The following SNTG1 variants were observed in gnomAD, a reference collection of about 807,000 sequenced individuals.
SNTG1 encodes the protein gamma-1-syntrophin.
In SNTG1, 39 loss-of-function variants were observed where a neutral mutation model predicts 74.7. The observed-to-expected ratio is 0.52, with a 90% confidence interval of 0.40 to 0.68. The LOEUF is 0.68. SNTG1 is among the 30% of genes least tolerant of loss of function. The probability of loss-of-function intolerance (pLI) is 0.00; values close to 1 mark genes in which losing one functional copy is unlikely to be tolerated. For synonymous variants in SNTG1, 254 were observed against 217.1 expected (o/e 1.17, Z -1.49); for missense variants, 685 against 609.5 (o/e 1.12, Z -1.30).
chr8:50,212,527 C>T (rs1375688434), intron 2 of SNTG1, among the ~76,000 whole-genome samples: 7 of 152,084 alleles, frequency 4.6e-5, no homozygotes, highest in African/African-American at 1.2e-4. Flanking sequence ...CAGATCCATG[C>T]TCTCCAAGAA....
intron 1 of SNTG1, among the ~76,000 whole-genome samples, chr8:50,092,171 GCTCCCC>G (rs2079763726): frequency 6.6e-6 from 1 of 152,150 alleles, no homozygotes; most frequent in African/African-American, 2.4e-5. Context: ...ATCTGGTTAA[GCTCCCC>G]GTTCCTGGAA....
At chr8:50,658,447 G>C in intron 14 of SNTG1, 145 bp from the exon 15 acceptor site, 1 of 524,598 alleles carries the variant, frequency 1.9e-6, no homozygotes. Flanking sequence ...ATTATGTAGG[G>C]TCCTTTATGA....
At chr8:50,218,308 A>T (rs539828865) in intron 2 of SNTG1, among the ~76,000 whole-genome samples, 2 of 151,748 alleles carry the variant, frequency 1.3e-5, no homozygotes, top group African/African-American at 4.9e-5. Context: ...TGCTTCCAAC[A>T]ACTCCTCAAT....
chr8:50,570,566 T>TATG (rs1280803564), intron 12 of SNTG1, among the ~76,000 whole-genome samples: 1 of 45,100 alleles, frequency 2.2e-5, no homozygotes, highest in Non-Finnish European at 4.1e-5. Context: ...CCTTATTTTT[T>TATG]ATTATTATTA....
At chr8:50,680,369 C>G (rs1585507171) in intron 15 of SNTG1, among the ~76,000 whole-genome samples, 1 of 152,152 alleles carries the variant, frequency 6.6e-6, no homozygotes, top group South Asian at 2.1e-4. Context: ...TCAGTACACT[C>G]TTTATGGGCT....
chr8:49,988,217 G>C (rs1000209761), intron 1 of SNTG1, among the ~76,000 whole-genome samples: 1 of 152,072 alleles, frequency 6.6e-6, no homozygotes, highest in Non-Finnish European at 1.5e-5. Flanking sequence ...GTGCAGAGTT[G>C]TTACAATATA....
intron 13 of SNTG1, among the ~76,000 whole-genome samples, chr8:50,605,111 C>A (rs973542028): frequency 1.3e-5 from 2 of 152,140 alleles, no homozygotes; most frequent in African/African-American, 4.8e-5. Context: ...AGCTGATATG[C>A]AAGATTTAAG....
At chr8:50,385,162 G>A (rs1207716281) in intron 2 of SNTG1, among the ~76,000 whole-genome samples, 3 of 152,150 alleles carry the variant, frequency 2.0e-5, no homozygotes, top group African/African-American at 4.8e-5. Context: ...TATGTTCCAA[G>A]TGGTAGAGCG....
At chr8:50,165,019 C>G (rs1172100246) in intron 1 of SNTG1, among the ~76,000 whole-genome samples, 1 of 152,056 alleles carries the variant, frequency 6.6e-6, no homozygotes, top group African/African-American at 2.4e-5. Context: ...TATGCTTCCC[C>G]CTCCCCAGCA....
chr8:50,573,072 C>T (rs1055819137), intron 12 of SNTG1, among the ~76,000 whole-genome samples: 3 of 151,988 alleles, frequency 2.0e-5, no homozygotes, highest in Non-Finnish European at 4.4e-5. Flanking sequence ...ACAATTTAAA[C>T]ATATAAGATC....
At chr8:50,576,249 T>C (rs1317637039) in intron 12 of SNTG1, among the ~76,000 whole-genome samples, 2 of 152,210 alleles carry the variant, frequency 1.3e-5, no homozygotes, top group African/African-American at 4.8e-5. Flanking sequence ...CTTTTTTCCA[T>C]TGAGTGGTTT....
chr8:50,732,960 A>G (rs2095516527), intron 17 of SNTG1, among the ~76,000 whole-genome samples: 1 of 151,958 alleles, frequency 6.6e-6, no homozygotes, highest in Non-Finnish European at 1.5e-5. Flanking sequence ...TATTTTAGAT[A>G]CAGGAGGCAA....
chr8:50,457,930 C>T (rs1164643091), intron 8 of SNTG1: 1 of 152,200 alleles, frequency 6.6e-6, no homozygotes, highest in Non-Finnish European at 1.5e-5. Flanking sequence ...CACTGGCAGC[C>T]GGTTTCACCA....
chr8:50,305,913 A>AG (rs1297764247), intron 2 of SNTG1, among the ~76,000 whole-genome samples: 1 of 151,672 alleles, frequency 6.6e-6, no homozygotes, highest in African/African-American at 2.4e-5. Flanking sequence ...TAAAAAAAAA[A>AG]AAACTGTTTC....
At chr8:50,105,393 A>G (rs188993992) in intron 1 of SNTG1, among the ~76,000 whole-genome samples, 1 of 151,978 alleles carries the variant, frequency 6.6e-6, no homozygotes, top group Admixed American at 6.6e-5. Flanking sequence ...TTGTGTTTCT[A>G]TTTTGTACCA....
At chr8:50,104,871 T>C (rs1383649133) in intron 1 of SNTG1, among the ~76,000 whole-genome samples, 1 of 152,090 alleles carries the variant, frequency 6.6e-6, no homozygotes, top group Non-Finnish European at 1.5e-5. Context: ...CTCTGTCCAC[T>C]TTTCAATGGG....
intron 2 of SNTG1, among the ~76,000 whole-genome samples, chr8:50,391,021 G>A (rs774668355): frequency 1.6e-4 from 24 of 152,146 alleles, no homozygotes; most frequent in Non-Finnish European, 3.4e-4. Context: ...TGCAAACAGG[G>A]ACAATTTGAC....
intron 17 of SNTG1, among the ~76,000 whole-genome samples, chr8:50,714,141 C>T: frequency 6.6e-6 from 1 of 151,148 alleles, no homozygotes; most frequent in South Asian, 2.1e-4. Context: ...GATCAAATGA[C>T]TGTAGATGTG....
upstream of SNTG1, among the ~76,000 whole-genome samples, chr8:49,910,144 T>A (rs1292307226): frequency 6.6e-6 from 1 of 152,168 alleles, no homozygotes; most frequent in African/African-American, 2.4e-5. Context: ...GAAGCAAGCG[T>A]GGGAGGAAAG....
Sources: gnomAD v4.1 joint callset for allele counts (sites outside exome capture counted in the v4.1 genomes callset) on GRCh38, gnomAD v4.1.1 for gene constraint, MANE v1.5 for transcripts, NCBI Gene and HGNC (gene_info 2026-07-23, HGNC 2026-07-21) for gene names.